DLGAP4: variants seen among roughly 807,000 people sequenced by gnomAD.
DLGAP4 encodes DLG associated protein 4, also known as disks large-associated protein 4.
A neutral mutation model predicts 86.9 loss-of-function variants in DLGAP4; 18 were observed. That is an observed-to-expected ratio of 0.21 (90% confidence interval 0.14 to 0.31). The LOEUF is 0.31. DLGAP4 is among the 10% of genes least tolerant of loss of function. The pLI, the probability that DLGAP4 is intolerant of heterozygous loss-of-function variation, is 1.00. For missense variants in DLGAP4, 1,085 were observed against 1,362.6 expected (o/e 0.80, Z 3.21); for synonymous variants, 548 against 574.3 (o/e 0.95, Z 0.65).
At chr20:36,428,743 C>T (rs908319177) in intron 2 of DLGAP4, among the ~76,000 whole-genome samples, 3 of 152,208 alleles carry the variant, frequency 2.0e-5, no homozygotes, top group South Asian at 4.1e-4. Flanking sequence ...CCCAGACTGG[C>T]GCACTTTGTC....
intron 2 of DLGAP4, among the ~76,000 whole-genome samples, chr20:36,398,841 G>C (rs912310947): frequency 6.6e-6 from 1 of 152,198 alleles, no homozygotes; most frequent in East Asian, 1.9e-4. Context: ...TGGGTATGAT[G>C]GGAGTTGCTG....
At chr20:36,387,460 G>A (rs2147458256) in intron 2 of DLGAP4, among the ~76,000 whole-genome samples, 1 of 152,248 alleles carries the variant, frequency 6.6e-6, no homozygotes, top group East Asian at 1.9e-4. Flanking sequence ...TTGCTTGTCT[G>A]TTAACTTTGT....
rs539830733 is a variant in DLGAP4, at chr20:36,398,421, C to T, written c.-73+31146C>T. ...GAGTAACTCTTGGCAAAAATGGAAA[C>T]ACTGATAAAATTTGCTAGGAATCAG... is the stretch of plus-strand genomic sequence containing the variant. On this transcript the variant is annotated intron_variant, in intron 2 of 12. Coordinates refer to ENST00000339266, the MANE Select transcript of DLGAP4 (RefSeq NM_001365621.2). Among the ~76,000 whole-genome samples the T allele has an allele frequency of 7.9e-5, 12 of 152,202 alleles. No individual in the cohort carries two copies. The South Asian group carries it at 2.1e-3, about 26-fold the overall frequency.
intron 11 of DLGAP4, 172 bp from the exon 12 acceptor site, chr20:36,525,679 G>A: frequency 1.2e-6 from 1 of 838,340 alleles, no homozygotes; most frequent in Non-Finnish European, 1.8e-6. Context: ...TAGGGCTGGT[G>A]CTGACCAGAA....
At chr20:36,496,046 A>G (rs2035872133) in intron 7 of DLGAP4, among the ~76,000 whole-genome samples, 2 of 151,858 alleles carry the variant, frequency 1.3e-5, no homozygotes, top group Admixed American at 1.3e-4. Flanking sequence ...CTAATTTTGT[A>G]TTTTTAGTAG....
intron 7 of DLGAP4, among the ~76,000 whole-genome samples, chr20:36,451,766 A>ATTT (rs544609389): frequency 4.7e-4 from 61 of 130,828 alleles, no homozygotes; most frequent in African/African-American, 1.7e-3. Context: ...CTGAGGCTGT[A>ATTT]TTTTTTTTTT....
At chr20:36,462,182 T>C (rs949021860) in intron 7 of DLGAP4, 3 of 1,058,458 alleles carry the variant, frequency 2.8e-6, no homozygotes, top group Middle Eastern at 4.4e-4. Context: ...AGGTCCCAAG[T>C]TGGGGTCTTT....
chr20:36,467,844 G>A (rs923424587), intron 7 of DLGAP4, among the ~76,000 whole-genome samples: 1 of 152,186 alleles, frequency 6.6e-6, no homozygotes, highest in Non-Finnish European at 1.5e-5. Context: ...CCACAAGGGC[G>A]CTCATGAAAT....
At chr20:36,344,161 T>G (rs1350792391) in intron 1 of DLGAP4, among the ~76,000 whole-genome samples, 1 of 152,196 alleles carries the variant, frequency 6.6e-6, no homozygotes, top group African/African-American at 2.4e-5. Flanking sequence ...TGGGATAGAT[T>G]CAGTGATTTC....
At chr20:36,474,563 G>C (rs767974769) in intron 7 of DLGAP4, among the ~76,000 whole-genome samples, 1 of 152,188 alleles carries the variant, frequency 6.6e-6, no homozygotes, top group East Asian at 1.9e-4. Context: ...TCCCCCTGGC[G>C]TGGCTGTTGC....
intron 2 of DLGAP4, among the ~76,000 whole-genome samples, chr20:36,396,355 AC>A (rs1311100308): frequency 1.8e-4 from 10 of 54,678 alleles, no homozygotes; most frequent in African/African-American, 2.1e-4. Context: ...ACACACACAT[AC>A]CACACGCACA....
chr20:36,307,926 TC>T (rs1253759003), intron 1 of DLGAP4, among the ~76,000 whole-genome samples: 1 of 152,194 alleles, frequency 6.6e-6, no homozygotes, highest in Non-Finnish European at 1.5e-5. Flanking sequence ...GGTGGCCACC[TC>T]TCTCTTGCCT....
intron 7 of DLGAP4, among the ~76,000 whole-genome samples, chr20:36,447,893 CA>C (rs11475207): frequency 0.32 from 2,669 of 8,472 alleles, 145 homozygotes; most frequent in African/African-American, 0.44. Flanking sequence ...CAGGGCCTAT[CA>C]GGGGGGTGGG....
chr20:36,480,393 T>A (rs1018772056), intron 7 of DLGAP4, among the ~76,000 whole-genome samples: 3 of 152,192 alleles, frequency 2.0e-5, no homozygotes, highest in Non-Finnish European at 4.4e-5. Context: ...TCGCTGTTTG[T>A]TGATAACAAT....
Position 36,527,629 on chromosome 20 carries a change from CACA to C in DLGAP4, c.*601_*603del, listed in dbSNP as rs1305520338. On this transcript the variant is annotated 3_prime_UTR_variant, in exon 13 of 13. Coordinates refer to ENST00000339266, the MANE Select transcript of DLGAP4 (RefSeq NM_001365621.2). ...TCCCTCCCCCCGCCAAGTGCTCACACACAACCTCACGCGCACACACACACACGC... is the reference window on the plus strand; with the variant it reads ...TCCCTCCCCCCGCCAAGTGCTCACACACCTCACGCGCACACACACACACGC... The C allele has an allele frequency of 6.5e-6, 1 of 152,828 alleles. No individual in the cohort carries two copies. The highest frequency in any genetic ancestry group is 1.5e-5 in the Non-Finnish European group (1 of 68,346). 9.5% of individuals were successfully genotyped at this position (152,828 alleles called of 1,614,324 possible).
chr20:36,527,028 C>T lies in DLGAP4; in HGVS notation c.2976C>T (p.Leu992=). 4.4e-6 allele frequency: 7 copies of T among 1,593,222 alleles called. No homozygotes were observed. The highest frequency in any genetic ancestry group is 6.0e-6 in the Non-Finnish European group (7 of 1,169,924). Residue 992 remains leucine (L), a synonymous_variant, in exon 13 of 13, where the codon CTC becomes CTT. Transcript: ENST00000339266. ...EIYVPEAQTR[L] ...ATGTCCCGGAGGCCCAGACCAGGCT[C>T]TGAGACCATGCAGGAGGAAAGAAAC...
At chr20:36,340,543 G>A (rs1187178174) in intron 1 of DLGAP4, among the ~76,000 whole-genome samples, 1 of 152,184 alleles carries the variant, frequency 6.6e-6, no homozygotes, top group Non-Finnish European at 1.5e-5. Context: ...TGTGCCCCCA[G>A]CCCAGGTCGG....
At chr20:36,409,888 G>A (rs1418181569) in intron 2 of DLGAP4, among the ~76,000 whole-genome samples, 5 of 151,466 alleles carry the variant, frequency 3.3e-5, no homozygotes, top group African/African-American at 1.2e-4. Context: ...AAAAAAATTA[G>A]CCGGGTATGG....
At chr20:36,502,259 T>C (rs538040536) in intron 10 of DLGAP4, among the ~76,000 whole-genome samples, 3 of 152,340 alleles carry the variant, frequency 2.0e-5, no homozygotes, top group East Asian at 1.9e-4. Context: ...TATATTATTA[T>C]TGCGTTTTCT....
Sources: gnomAD v4.1 joint callset for allele counts (sites outside exome capture counted in the v4.1 genomes callset) on GRCh38, gnomAD v4.1.1 for gene constraint, MANE v1.5 for transcripts, NCBI Gene and HGNC (gene_info 2026-07-23, HGNC 2026-07-21) for gene names.